The following NME5 variants were observed in gnomAD, a reference collection of about 807,000 sequenced individuals.
The protein encoded by NME5 is NME/NM23 family member 5.
In NME5, 18 loss-of-function variants were observed where a neutral mutation model predicts 21.6. The observed-to-expected ratio is 0.83, with a 90% CI of 0.58 to 1.24. The LOEUF (loss-of-function observed/expected upper bound fraction) is 1.24, where lower values mean the gene tolerates loss of function less well. Among genes scored for constraint, NME5 ranks in the 50% most tolerant of loss-of-function variants. The pLI is 0.00. For missense variants in NME5, 223 were observed against 255.4 expected, an observed-to-expected ratio of 0.87 and a Z score of 0.86; for synonymous variants, 70 against 80.6, an observed-to-expected ratio of 0.87 and a Z score of 0.71.
chr5:138,137,953 C>T (rs1561593594), intron 2 of NME5, among the ~76,000 whole-genome samples: 2 of 151,044 alleles, frequency 1.3e-5, no homozygotes, highest in Admixed American at 1.3e-4. Context: ...TGCAGTGAGC[C>T]GAGATCGTAC....
chr5:138,124,278 C>T (rs1751351750), intron 4 of NME5, among the ~76,000 whole-genome samples: 1 of 151,856 alleles, frequency 6.6e-6, no homozygotes, highest in Non-Finnish European at 1.5e-5. Context: ...GCTGGGATTA[C>T]AGGCGTGAGC....
chr5:138,127,688 G>C, intron 4 of NME5: 1 of 984,886 alleles, frequency 1.0e-6, no homozygotes, highest in Non-Finnish European at 1.2e-6. Context: ...ACTTCTCAAA[G>C]GTTTACAACT....
At chr5:138,128,653 A>C in intron 3 of NME5, 74 bp from the exon 4 acceptor site, 1 of 973,796 alleles carries the variant, frequency 1.0e-6, no homozygotes, top group Non-Finnish European at 1.5e-6. Context: ...CATTCCACTT[A>C]AGAATTTTAC....
Position 138,137,003 on chromosome 5 carries a change from A to C in NME5, c.129+1649T>G, listed in dbSNP as rs184900806. Among the ~76,000 whole-genome samples, 308 of 151,686 alleles carry C rather than the reference A, an allele frequency of 2.0e-3. 3 individuals carry two copies. Among genetic ancestry groups the C allele is most frequent in the African/African-American group, 6.9e-3 (285 of 41,384 alleles). ...GCTCCTAGACCTTAAGTCATAACAAAAAAAAAAAAGGCTGTCCTACTCCAA... is the reference window on the plus strand; with the variant it reads ...GCTCCTAGACCTTAAGTCATAACAACAAAAAAAAAGGCTGTCCTACTCCAA... On this transcript the variant is annotated intron_variant, in intron 2 of 5. Transcript: ENST00000265191.
chr5:138,119,717 G>A (rs529479496), intron 4 of NME5, among the ~76,000 whole-genome samples: 42 of 150,476 alleles, frequency 2.8e-4, no homozygotes, highest in African/African-American at 9.3e-4. Context: ...GAGTGCAGCA[G>A]CACAATCTCA....
chr5:138,129,007 A>G (rs1386573050), intron 3 of NME5, among the ~76,000 whole-genome samples: 2 of 152,144 alleles, frequency 1.3e-5, no homozygotes, highest in Non-Finnish European at 2.9e-5. Flanking sequence ...TTAAAGGTTG[A>G]GAGAATAAGG....
At chr5:138,130,756 C>G (rs1751543385) in intron 2 of NME5, among the ~76,000 whole-genome samples, 1 of 150,638 alleles carries the variant, frequency 6.6e-6, no homozygotes, top group Non-Finnish European at 1.5e-5. Flanking sequence ...GAAATCTCGT[C>G]TCTACCGAAA....
intron 4 of NME5, among the ~76,000 whole-genome samples, chr5:138,120,227 GCT>G (rs756916969): frequency 0.037 from 4,316 of 117,844 alleles, 249 homozygotes; most frequent in African/African-American, 0.13. Context: ...ACTGCTCCCA[GCT>G]CTTTTTTTTT....
chr5:138,127,412 G>T (rs969410833), intron 4 of NME5: 1 of 928,560 alleles, frequency 1.1e-6, no homozygotes, highest in Non-Finnish European at 1.3e-6. Context: ...CCAAAAAAAA[G>T]AAAAAAAATA....
At position 138,126,109 on chromosome 5, in the gene NME5, T is replaced by G. The variant is rs1031747449; in HGVS notation, c.436+2370A>C. On this transcript the variant is annotated intron_variant, in intron 4 of 5. Coordinates refer to ENST00000265191, the MANE Select transcript of NME5 (RefSeq NM_003551.3). The stretch of plus-strand genomic sequence containing the variant: ...CTACAATGTGCTAAGTAATTAATGA[T>G]TTTATATTTATCCTACAACTTGCTG... Among the ~76,000 whole-genome samples, 14 of 152,162 alleles carry G rather than the reference T, an allele frequency of 9.2e-5. 1 individual carries two copies. Among genetic ancestry groups the G allele is most frequent in the African/African-American group, 3.1e-4 (13 of 41,444 alleles).
At chr5:138,122,434 C>G (rs1430666664) in intron 4 of NME5, among the ~76,000 whole-genome samples, 1 of 59,822 alleles carries the variant, frequency 1.7e-5, no homozygotes, top group African/African-American at 7.9e-5. Context: ...GAGCGAAACT[C>G]TGTCTCTAAA....
chr5:138,122,443 A>G (rs890971238), intron 4 of NME5, among the ~76,000 whole-genome samples: 1 of 12,476 alleles, frequency 8.0e-5, no homozygotes, highest in African/African-American at 1.4e-4. Flanking sequence ...TCTGTCTCTA[A>G]AAAAAAAAAA....
At chr5:138,132,949 TTTTG>T (rs527414610) in intron 2 of NME5, among the ~76,000 whole-genome samples, 179 of 152,258 alleles carry the variant, frequency 1.2e-3, no homozygotes, top group Non-Finnish European at 2.1e-3. Context: ...CGTTTTTTTT[TTTTG>T]TTTTTTCTTG....
Position 138,115,704 on chromosome 5 carries a change from G to T in NME5, c.616C>A (p.Pro206Thr). Residue 206 changes from proline to threonine, a missense_variant, in exon 6 of 6, where the codon CCA becomes ACA. Transcript: ENST00000265191. ...NPNKPKLCHH[P>T]IVEEPY ...TTTTAATAAGGTTCTTCTACAATTGGATGGTGACAAAGTTTGGGTTTGTTA... is the reference window on the plus strand; with the variant it reads ...TTTTAATAAGGTTCTTCTACAATTGTATGGTGACAAAGTTTGGGTTTGTTA... 1 of 1,578,116 alleles carries T rather than the reference G, an allele frequency of 6.3e-7. No homozygotes were observed. The highest frequency in any genetic ancestry group is 1.2e-5 in the South Asian group (1 of 83,898).
At chr5:138,119,937 ACTT>A (rs1405013284) in intron 4 of NME5, among the ~76,000 whole-genome samples, 4 of 143,506 alleles carry the variant, frequency 2.8e-5, no homozygotes, top group African/African-American at 9.9e-5. Flanking sequence ...TAAAAATTTA[ACTT>A]CTATTTTTTT....
chr5:138,138,532 G>T, intron 2 of NME5, 120 bp downstream of exon 2: 2 of 813,870 alleles, frequency 2.5e-6, no homozygotes, highest in South Asian at 1.7e-5. Context: ...ATACTTAGAA[G>T]AATAAACTTA....
intron 4 of NME5, among the ~76,000 whole-genome samples, chr5:138,120,627 T>C (rs1751266872): frequency 6.6e-6 from 1 of 152,242 alleles, no homozygotes; most frequent in African/African-American, 2.4e-5. Flanking sequence ...TTATGGATCT[T>C]GCTTTTGATG....
intron 4 of NME5, among the ~76,000 whole-genome samples, chr5:138,122,466 AAAATT>A (rs1751308180): frequency 6.7e-6 from 1 of 149,828 alleles, no homozygotes; most frequent in Non-Finnish European, 1.5e-5. Flanking sequence ...AAAAAAAAAA[AAAATT>A]GTGCCTAAAT....
chr5:138,137,218 C>T (rs1223245964), intron 2 of NME5, among the ~76,000 whole-genome samples: 1 of 152,122 alleles, frequency 6.6e-6, no homozygotes, highest in African/African-American at 2.4e-5. Flanking sequence ...TTAAATACTT[C>T]CTAACACTTT....
Sources: allele counts gnomAD v4.1 joint callset (sites outside exome capture counted in the v4.1 genomes callset), GRCh38; gene constraint gnomAD v4.1.1; transcripts MANE v1.5; gene names NCBI Gene and HGNC (gene_info 2026-07-23, HGNC 2026-07-21).